Variants in UNC13C observed in about 807,000 individuals in gnomAD.
UNC13C encodes the protein protein unc-13 homolog C.
Under a neutral mutation model 245.4 loss-of-function variants are expected in UNC13C, and 174 were observed. That is an observed-to-expected ratio of 0.71 (90% CI 0.63 to 0.80). The LOEUF (loss-of-function observed/expected upper bound fraction) is 0.80, where lower values mean the gene tolerates loss of function less well. Ranked by LOEUF, UNC13C falls within the 30% of genes least tolerant of loss-of-function variation. The pLI, the probability that UNC13C is intolerant of heterozygous loss-of-function variation, is 0.00. For synonymous variants in UNC13C, 992 were observed against 895.1 expected (o/e 1.11, Z -1.93); for missense variants, 2,829 against 2,602.9 (o/e 1.09, Z -1.89).
At chr15:54,335,058 A>G (rs148915274) in intron 16 of UNC13C, among the ~76,000 whole-genome samples, 6 of 152,036 alleles carry the variant, frequency 3.9e-5, no homozygotes, top group African/African-American at 9.6e-5. Flanking sequence ...CCCAGTAGGT[A>G]CTTCCTTGTA....
chr15:54,365,606 A>G lies in UNC13C; in HGVS notation c.4713+27117A>G, dbSNP rs1405759937. On this transcript the variant is annotated intron_variant, in intron 17 of 32. Coordinates refer to ENST00000260323, the MANE Select transcript of UNC13C (RefSeq NM_001080534.3). ...ATTACGTAGGAATTTGGGATGGCAT[A>G]TAAGACCATGTTGATTTATGATTTT... is the stretch of plus-strand genomic sequence containing the variant. 2.0e-5 allele frequency among the ~76,000 whole-genome samples: 3 copies of G among 152,264 alleles called. No homozygotes were observed. The East Asian group carries it at 5.8e-4, about 29-fold the overall frequency.
At chr15:54,302,711 T>C (rs1198771544) in intron 13 of UNC13C, among the ~76,000 whole-genome samples, 1 of 152,074 alleles carries the variant, frequency 6.6e-6, no homozygotes, top group African/African-American at 2.4e-5. Context: ...ATGTGATGTG[T>C]CCAGCTTTGT....
intron 16 of UNC13C, among the ~76,000 whole-genome samples, chr15:54,335,734 G>A (rs1450003003): frequency 6.6e-6 from 1 of 152,142 alleles, no homozygotes; most frequent in Non-Finnish European, 1.5e-5. Flanking sequence ...TCTTTGTTAT[G>A]TATGTGCTAT....
intron 2 of UNC13C, among the ~76,000 whole-genome samples, chr15:54,124,310 G>C (rs2030884547): frequency 6.6e-6 from 1 of 152,118 alleles, no homozygotes; most frequent in South Asian, 2.1e-4. Flanking sequence ...ATTTGGTATT[G>C]TCACTGCTTT....
chr15:53,919,590 C>G, the UNC13C span, among the ~76,000 whole-genome samples: 9,037 of 152,142 alleles, frequency 0.059, 565 homozygotes, highest in African/African-American at 0.15. Context: ...ACTGAAAGCA[C>G]GCTGTAATAT....
At chr15:54,261,844 T>A (rs8030563) in intron 8 of UNC13C, among the ~76,000 whole-genome samples, 76,879 of 152,022 alleles carry the variant, frequency 0.51, 20,473 homozygotes, top group African/African-American at 0.66. Context: ...CGCCCGGCCA[T>A]AAGTAGAAAT....
the UNC13C span, among the ~76,000 whole-genome samples, chr15:53,863,382 T>C: frequency 6.6e-6 from 1 of 152,226 alleles, no homozygotes; most frequent in Non-Finnish European, 1.5e-5. Flanking sequence ...TCTAATTGTG[T>C]AAATTAGTAC....
At chr15:53,958,176 C>A in the UNC13C span, among the ~76,000 whole-genome samples, 1 of 152,018 alleles carries the variant, frequency 6.6e-6, no homozygotes, top group African/African-American at 2.4e-5. Flanking sequence ...CCCCTTTTTT[C>A]TCCCTACCTA....
intron 30 of UNC13C, among the ~76,000 whole-genome samples, chr15:54,582,300 G>A (rs765278021): frequency 1.2e-4 from 19 of 152,058 alleles, no homozygotes; most frequent in Non-Finnish European, 2.6e-4. Context: ...TACCACTGAC[G>A]AAAGTGTGGA....
intron 18 of UNC13C, among the ~76,000 whole-genome samples, chr15:54,412,073 G>T (rs1044498730): frequency 1.3e-5 from 2 of 151,864 alleles, no homozygotes; most frequent in Non-Finnish European, 2.9e-5. Context: ...CTGCTATAAG[G>T]TGCACACCTG....
At chr15:54,546,373 T>C (rs1371217401) in intron 26 of UNC13C, among the ~76,000 whole-genome samples, 2 of 152,096 alleles carry the variant, frequency 1.3e-5, no homozygotes, top group African/African-American at 4.8e-5. Context: ...AATGTAGATG[T>C]CGGCTTGATG....
chr15:53,983,348 G>A (rs1470214789), intron 1 of UNC13C, among the ~76,000 whole-genome samples: 1 of 151,802 alleles, frequency 6.6e-6, no homozygotes, highest in Non-Finnish European at 1.5e-5. Context: ...AAAGAGGGCT[G>A]CAGGGAGCTC....
At chr15:54,189,249 G>C (rs947741678) in intron 4 of UNC13C, among the ~76,000 whole-genome samples, 1 of 152,132 alleles carries the variant, frequency 6.6e-6, no homozygotes, top group East Asian at 1.9e-4. Flanking sequence ...CTGTCTCCCA[G>C]ATAAATATTC....
chr15:54,269,093 C>G (rs950603010), intron 10 of UNC13C, among the ~76,000 whole-genome samples: 1 of 149,154 alleles, frequency 6.7e-6, no homozygotes, highest in Non-Finnish European at 1.5e-5. Flanking sequence ...TTTTAGAGTA[C>G]ATGTGCACAA....
Position 54,224,457 on chromosome 15 carries a change from A to G in UNC13C, c.3072-10573A>G, listed in dbSNP as rs561108728. Among the ~76,000 whole-genome samples the G allele has an allele frequency of 2.3e-3, 350 of 152,280 alleles. 1 individual carries two copies. The highest frequency in any genetic ancestry group is 8.1e-3 in the African/African-American group (336 of 41,560). The stretch of plus-strand genomic sequence containing the variant: ...CTGACTGATTTGGGTATGATGAACC[A>G]TCCTTGTGTTCCTGAGATAAATCAT... On this transcript the variant is annotated intron_variant, in intron 4 of 32. Coordinates refer to ENST00000260323, the MANE Select transcript of UNC13C (RefSeq NM_001080534.3).
intron 19 of UNC13C, among the ~76,000 whole-genome samples, chr15:54,481,394 A>G (rs1028158438): frequency 5.3e-5 from 8 of 152,138 alleles, no homozygotes; most frequent in African/African-American, 1.9e-4. Flanking sequence ...GACTGCAAGA[A>G]AGAAATTGGC....
intron 1 of UNC13C, among the ~76,000 whole-genome samples, chr15:54,007,735 C>G (rs542252862): frequency 1.3e-5 from 2 of 152,144 alleles, no homozygotes; most frequent in African/African-American, 4.8e-5. Flanking sequence ...ATGTAACAAA[C>G]CTGCACATCC....
intron 19 of UNC13C, among the ~76,000 whole-genome samples, chr15:54,449,176 A>G (rs1001253053): frequency 5.9e-5 from 9 of 152,168 alleles, no homozygotes; most frequent in Admixed American, 2.6e-4. Flanking sequence ...CTTTGTGGGT[A>G]ACCCGACTTT....
intron 30 of UNC13C, among the ~76,000 whole-genome samples, chr15:54,619,263 C>G (rs907952285): frequency 1.3e-5 from 2 of 152,118 alleles, no homozygotes; most frequent in African/African-American, 4.8e-5. Context: ...CTTCAGTAAC[C>G]TCCTTGGATG....
Sources: allele counts gnomAD v4.1 joint callset (sites outside exome capture counted in the v4.1 genomes callset), GRCh38; gene constraint gnomAD v4.1.1; transcripts MANE v1.5; gene names NCBI Gene and HGNC (gene_info 2026-07-23, HGNC 2026-07-21).